The following NRXN1 variants were observed in gnomAD, a reference collection of about 807,000 sequenced individuals.
NRXN1 encodes neurexin-1.
In NRXN1, 39 loss-of-function variants were observed where a neutral mutation model predicts 150.9. The observed-to-expected ratio is 0.26, with a 90% CI of 0.20 to 0.34. NRXN1 has a LOEUF of 0.34. Among genes scored for constraint, NRXN1 ranks in the 10% least tolerant of loss-of-function variants. NRXN1 has a pLI of 1.00. For synonymous variants in NRXN1, 924 were observed against 757.0 expected, an observed-to-expected ratio of 1.22 and a Z score of -3.62; for missense variants, 1,815 against 1,949.9, an observed-to-expected ratio of 0.93 and a Z score of 1.30.
chr2:50,233,813 C>A (rs1455965154), intron 18 of NRXN1, among the ~76,000 whole-genome samples: 1 of 151,896 alleles, frequency 6.6e-6, no homozygotes, highest in Non-Finnish European at 1.5e-5. Context: ...TCTTATTTTT[C>A]CTTTTAAATT....
At chr2:50,117,885 C>A (rs1005722552) in intron 18 of NRXN1, among the ~76,000 whole-genome samples, 10 of 151,906 alleles carry the variant, frequency 6.6e-5, no homozygotes, top group African/African-American at 2.4e-4. Context: ...GGCCCACGGC[C>A]TCTATTGCTG....
chr2:50,548,060 C>T (rs1573495935), intron 9 of NRXN1: 2 of 152,170 alleles, frequency 1.3e-5, no homozygotes, highest in Admixed American at 6.5e-5. Flanking sequence ...TTCATATACC[C>T]CTTTCAGTGA....
intron 12 of NRXN1, 124 bp from the exon 13 acceptor site, chr2:50,506,741 G>A: frequency 5.2e-6 from 5 of 965,936 alleles, no homozygotes; most frequent in South Asian, 2.0e-5. Context: ...AAAGAAGAAA[G>A]GAAGAAAGAG....
At chr2:50,837,390 T>C (rs1338689335) in intron 5 of NRXN1, among the ~76,000 whole-genome samples, 4 of 152,136 alleles carry the variant, frequency 2.6e-5, no homozygotes, top group Non-Finnish European at 4.4e-5. Context: ...GCATACTTTT[T>C]GGGTCAGATG....
chr2:50,459,556 T>C (rs1197486694), intron 17 of NRXN1, among the ~76,000 whole-genome samples: 2 of 152,150 alleles, frequency 1.3e-5, no homozygotes, highest in Non-Finnish European at 2.9e-5. Flanking sequence ...AATGGGAACA[T>C]GTGGTATTTG....
intron 18 of NRXN1, among the ~76,000 whole-genome samples, chr2:50,128,236 T>C (rs1408663261): frequency 1.3e-5 from 2 of 152,158 alleles, no homozygotes; most frequent in African/African-American, 4.8e-5. Flanking sequence ...TTGTTGGTAC[T>C]AGGGCAAAGC....
intron 17 of NRXN1, among the ~76,000 whole-genome samples, chr2:50,366,642 G>C (rs1273617226): frequency 6.6e-6 from 1 of 151,890 alleles, no homozygotes; most frequent in Non-Finnish European, 1.5e-5. Flanking sequence ...TACATAATTA[G>C]GACAATATTT....
rs1273118975 is a variant in NRXN1, at chr2:50,354,586, T to TATATATATATATAC, written c.3364+110855_3364+110856insGTATATATATATAT. ...ATATATATATATATATATATATATA[T>TATATATATATATAC]ACACACACACACTAGCTTTTTGCTG... On this transcript the variant is annotated intron_variant, in intron 17 of 22. Coordinates refer to ENST00000401669, the MANE Select transcript of NRXN1 (RefSeq NM_001330078.2). Among the ~76,000 whole-genome samples, 524 of 124,504 alleles carry TATATATATATATAC rather than the reference T, an allele frequency of 4.2e-3. 3 individuals are homozygous for TATATATATATATAC. The highest frequency in any genetic ancestry group is 7.1e-3 in the Non-Finnish European group (409 of 57,940). 81.7% of individuals were successfully genotyped at this position (124,504 alleles called of 152,430 possible).
At chr2:50,473,689 A>C (rs975142742) in intron 15 of NRXN1, among the ~76,000 whole-genome samples, 2 of 152,026 alleles carry the variant, frequency 1.3e-5, no homozygotes, top group Non-Finnish European at 2.9e-5. Flanking sequence ...CTTACTGTTC[A>C]CCTGGGTCCT....
At chr2:50,914,696 T>C (rs2104160879) in intron 5 of NRXN1, among the ~76,000 whole-genome samples, 1 of 151,802 alleles carries the variant, frequency 6.6e-6, no homozygotes. Flanking sequence ...ACTTTTTTGT[T>C]TTCGTTGACT....
chr2:50,071,113 A>G (rs907182636), intron 19 of NRXN1, among the ~76,000 whole-genome samples: 5 of 152,190 alleles, frequency 3.3e-5, no homozygotes, highest in Non-Finnish European at 7.4e-5. Context: ...TTTATAGCCC[A>G]ATAGATCTAC....
chr2:50,068,691 T>C (rs563419517), intron 19 of NRXN1, among the ~76,000 whole-genome samples: 12 of 152,352 alleles, frequency 7.9e-5, no homozygotes, highest in African/African-American at 2.9e-4. Context: ...AGCCCTTATA[T>C]TGTAGTCATG....
intron 2 of NRXN1, among the ~76,000 whole-genome samples, chr2:50,989,888 T>A (rs1413000340): frequency 9.9e-5 from 15 of 152,022 alleles, no homozygotes; most frequent in Admixed American, 9.8e-4. Context: ...TGTCAAATGG[T>A]TTAATGGTTT....
At chr2:50,568,591 A>G (rs578220758) in intron 8 of NRXN1, among the ~76,000 whole-genome samples, 43 of 152,332 alleles carry the variant, frequency 2.8e-4, no homozygotes, top group Middle Eastern at 3.4e-3. Flanking sequence ...CTGCAATGAG[A>G]TATCAACTCA....
chr2:50,270,694 A>G lies in NRXN1; in HGVS notation c.3365-33724T>C, dbSNP rs114513378. 6.7e-3 allele frequency among the ~76,000 whole-genome samples: 1,000 copies of G among 149,264 alleles called. 20 individuals carry two copies. Among genetic ancestry groups the G allele is most frequent in the African/African-American group, 0.023 (947 of 40,402 alleles). On this transcript the variant is annotated intron_variant, in intron 17 of 22. Transcript: ENST00000401669. Reference sequence around the variant, plus strand: ...TATAGTTTTTTTTTTTTTTTGAAACAGAGTCTCATTTGTTGCCCAGGCTGG... The same window carrying G: ...TATAGTTTTTTTTTTTTTTTGAAACGGAGTCTCATTTGTTGCCCAGGCTGG...
intron 18 of NRXN1, among the ~76,000 whole-genome samples, chr2:50,112,735 T>C (rs979419189): frequency 2.6e-4 from 40 of 152,062 alleles, no homozygotes; most frequent in African/African-American, 9.7e-4. Flanking sequence ...TTTACTAAAA[T>C]GCAGCATAAA....
chr2:50,818,079 G>C (rs1239385636), intron 5 of NRXN1, among the ~76,000 whole-genome samples: 4 of 112,808 alleles, frequency 3.5e-5, no homozygotes, highest in African/African-American at 1.4e-4. Context: ...CAGATGGCTT[G>C]ATTTTATATG....
chr2:50,668,247 A>C (rs1688347758), intron 5 of NRXN1, among the ~76,000 whole-genome samples: 1 of 152,102 alleles, frequency 6.6e-6, no homozygotes, highest in Non-Finnish European at 1.5e-5. Flanking sequence ...AAAATAAAAT[A>C]GTGAAATAAG....
chr2:49,922,409 TAAAA>T (rs1385818349), intron 22 of NRXN1, among the ~76,000 whole-genome samples, 158 bp from the exon 23 acceptor site: 1 of 152,210 alleles, frequency 6.6e-6, no homozygotes, highest in East Asian at 1.9e-4. Context: ...TCATGGTTAC[TAAAA>T]ACTAGGGACT....
Sources: gnomAD v4.1 joint callset for allele counts (sites outside exome capture counted in the v4.1 genomes callset) on GRCh38, gnomAD v4.1.1 for gene constraint, MANE v1.5 for transcripts, NCBI Gene and HGNC (gene_info 2026-07-23, HGNC 2026-07-21) for gene names.